GRIA3: variants seen among roughly 807,000 people sequenced by gnomAD.
GRIA3 encodes glutamate ionotropic receptor AMPA type subunit 3.
A neutral mutation model predicts 63.0 loss-of-function variants in GRIA3; 3 were observed. The observed-to-expected ratio is 0.05, with a 90% CI of 0.02 to 0.12. The LOEUF is 0.12. Ranked by LOEUF, GRIA3 falls within the 10% of genes least tolerant of loss-of-function variation. The pLI, the probability that GRIA3 is intolerant of heterozygous loss-of-function variation, is 1.00. For missense variants in GRIA3, 347 were observed against 700.9 expected, an observed-to-expected ratio of 0.50 and a Z score of 5.70; for synonymous variants, 274 against 257.9, an observed-to-expected ratio of 1.06 and a Z score of -0.60.
chrX:123,234,456 G>A (rs1290773527), intron 2 of GRIA3, among the ~76,000 whole-genome samples: 5 of 111,985 alleles, frequency 4.5e-5, no homozygotes, highest in Non-Finnish European at 9.4e-5. Context: ...ATTATAAGTA[G>A]AGTGGCAAAG....
chrX:123,308,750 TTC>T (rs1170512547), intron 3 of GRIA3, among the ~76,000 whole-genome samples: 1 of 111,781 alleles, frequency 8.9e-6, no homozygotes, highest in Non-Finnish European at 1.9e-5. Flanking sequence ...CGCACCCACT[TTC>T]ATAGTGGTTC....
rs1266241887 is a variant in GRIA3 at position 123,312,058 on chromosome X, T to C, written c.509-13968T>C. 6.2e-5 allele frequency among the ~76,000 whole-genome samples: 7 copies of C among 112,107 alleles called. No homozygotes were observed. The East Asian group carries it at 1.7e-3, about 27-fold the overall frequency. ...TGGAAGAATTAAACGTGATAATGTG[T>C]ATACATTGTTAGCTCTGTACTCAGC... On this transcript the variant is annotated intron_variant, in intron 3 of 15. Coordinates refer to ENST00000620443, the MANE Select transcript of GRIA3 (RefSeq NM_007325.5).
chrX:123,229,315 G>A (rs1372604345), intron 2 of GRIA3, among the ~76,000 whole-genome samples: 1 of 111,949 alleles, frequency 8.9e-6, no homozygotes, highest in Non-Finnish European at 1.9e-5. Flanking sequence ...AAAAGACTTG[G>A]AGGTACTTTC....
chrX:123,376,769 G>C (rs370396817), intron 5 of GRIA3, among the ~76,000 whole-genome samples: 5 of 111,130 alleles, frequency 4.5e-5, no homozygotes, highest in Admixed American at 3.8e-4. Context: ...CAAGTGGTCA[G>C]CTCAAGAAGT....
At chrX:123,367,924 G>A (rs938267868) in intron 5 of GRIA3, among the ~76,000 whole-genome samples, 6 of 112,016 alleles carry the variant, frequency 5.4e-5, no homozygotes, top group African/African-American at 9.7e-5. Context: ...TTGTAAAATC[G>A]TTTATCATGT....
At chrX:123,293,580 A>G (rs776149156) in intron 3 of GRIA3, among the ~76,000 whole-genome samples, 4 of 109,746 alleles carry the variant, frequency 3.6e-5, no homozygotes, top group Non-Finnish European at 5.7e-5. Context: ...TGGGGAGGGT[A>G]GTAATAATTT....
chrX:123,323,382 AATAGCATAGTATTCTATGCGTATTTACT>A (rs1368240341), intron 3 of GRIA3, among the ~76,000 whole-genome samples: 3 of 111,621 alleles, frequency 2.7e-5, no homozygotes, highest in African/African-American at 9.7e-5. Context: ...TCTTTTAAAC[AATAGCATAGTATTCTATGCGTATTTACT>A]ATAATTTCTT....
intron 11 of GRIA3, among the ~76,000 whole-genome samples, chrX:123,420,559 T>C (rs747640063): frequency 2.7e-5 from 3 of 111,454 alleles, no homozygotes; most frequent in Non-Finnish European, 3.8e-5. Context: ...ACATGGCTGG[T>C]AATCTATGTT....
chrX:123,441,845 C>A (rs749816867), intron 12 of GRIA3, among the ~76,000 whole-genome samples: 1 of 104,178 alleles, frequency 9.6e-6, no homozygotes, highest in African/African-American at 3.4e-5. Context: ...CACACACACA[C>A]AATTAAGTAC....
chrX:123,453,219 G>T (rs969206347), intron 12 of GRIA3, among the ~76,000 whole-genome samples: 1 of 111,558 alleles, frequency 9.0e-6, no homozygotes, highest in Admixed American at 9.5e-5. Flanking sequence ...CCATAAAAAA[G>T]GATGAGTTCA....
intron 6 of GRIA3, 138 bp downstream of exon 6, chrX:123,395,267 G>T: frequency 1.8e-6 from 1 of 554,153 alleles, no homozygotes; most frequent in Non-Finnish European, 3.1e-6. Context: ...AACAACTGCA[G>T]GTGATGCTAT....
At chrX:123,313,078 G>GACA (rs34196412) in intron 3 of GRIA3, among the ~76,000 whole-genome samples, 45,827 of 109,610 alleles carry the variant, frequency 0.42, 7,115 homozygotes, top group Non-Finnish European at 0.47. Flanking sequence ...CCAAGGCCTT[G>GACA]ACATTAGCCT....
At chrX:123,474,057 C>T (rs1281522938) in intron 13 of GRIA3, among the ~76,000 whole-genome samples, 2 of 112,025 alleles carry the variant, frequency 1.8e-5, no homozygotes, top group African/African-American at 6.5e-5. Flanking sequence ...GGGACTAAAT[C>T]ATACTACAAC....
chrX:123,476,784 A>G (rs1342619692), intron 13 of GRIA3, among the ~76,000 whole-genome samples: 1 of 111,277 alleles, frequency 9.0e-6, no homozygotes, highest in Non-Finnish European at 1.9e-5. Context: ...AAAATTCTCT[A>G]AAGTCCTGTG....
chrX:123,394,222 C>T (rs956130983), intron 5 of GRIA3, among the ~76,000 whole-genome samples: 3 of 110,779 alleles, frequency 2.7e-5, no homozygotes, highest in African/African-American at 6.6e-5. Context: ...CTTGGGAGGG[C>T]ATGGTGGCAT....
At chrX:123,463,347 A>C (rs1005139932) in intron 12 of GRIA3, among the ~76,000 whole-genome samples, 2 of 108,172 alleles carry the variant, frequency 1.8e-5, no homozygotes, top group African/African-American at 3.4e-5. Flanking sequence ...CAGGAGTTTG[A>C]GACCAGCCTA....
chrX:123,432,288 G>C (rs2045622334), intron 12 of GRIA3, among the ~76,000 whole-genome samples: 1 of 111,933 alleles, frequency 8.9e-6, no homozygotes, highest in African/African-American at 3.2e-5. Context: ...ACTTTAACAG[G>C]AATCACATTT....
chrX:123,221,964 T>G (rs1432869407), intron 2 of GRIA3, among the ~76,000 whole-genome samples: 1 of 111,563 alleles, frequency 9.0e-6, no homozygotes, highest in Non-Finnish European at 1.9e-5. Context: ...CTTTCTAACT[T>G]AAGCGCCCCT....
chrX:123,323,393 A>G (rs2044880790), intron 3 of GRIA3, among the ~76,000 whole-genome samples: 1 of 112,239 alleles, frequency 8.9e-6, no homozygotes, highest in Non-Finnish European at 1.9e-5. Flanking sequence ...ATAGCATAGT[A>G]TTCTATGCGT....
Sources: allele counts gnomAD v4.1 joint callset (sites outside exome capture counted in the v4.1 genomes callset), GRCh38; gene constraint gnomAD v4.1.1; transcripts MANE v1.5; gene names NCBI Gene and HGNC (gene_info 2026-07-23, HGNC 2026-07-21).